Variants in SLC34A2 observed in about 807,000 individuals in gnomAD.
The protein encoded by SLC34A2 is sodium-dependent phosphate transport protein 2B.
In SLC34A2, 41 loss-of-function variants were observed where a neutral mutation model predicts 50.8. The ratio of observed to expected loss-of-function variants is 0.81; its 90% CI spans 0.63 to 1.05. The LOEUF is 1.05. SLC34A2 is among the 50% of genes least tolerant of loss of function. The pLI, the probability that SLC34A2 is intolerant of heterozygous loss-of-function variation, is 0.00. For synonymous variants in SLC34A2, 401 were observed against 364.2 expected (o/e 1.10, Z -1.15); for missense variants, 879 against 876.7 (o/e 1.00, Z -0.03).
intron 1 of SLC34A2, among the ~76,000 whole-genome samples, chr4:25,660,692 C>A (rs940605226): frequency 1.3e-5 from 2 of 152,124 alleles, no homozygotes; most frequent in African/African-American, 4.8e-5. Context: ...ATTACAGGTG[C>A]ATGCCACCAC....
intron 9 of SLC34A2, among the ~76,000 whole-genome samples, chr4:25,671,938 GA>G (rs2109058404): frequency 6.6e-6 from 1 of 152,276 alleles, no homozygotes; most frequent in Non-Finnish European, 1.5e-5. Context: ...GGCAGAACTG[GA>G]ACTTGAAGTC....
chr4:25,664,434 G>T, intron 4 of SLC34A2, 104 bp downstream of exon 4: 1 of 1,322,040 alleles, frequency 7.6e-7, no homozygotes, highest in South Asian at 1.2e-5. Context: ...GCCTCCTGGA[G>T]TGTTTTAGGA....
intron 9 of SLC34A2, among the ~76,000 whole-genome samples, chr4:25,672,511 C>G (rs1224940768): frequency 6.6e-6 from 1 of 152,124 alleles, no homozygotes; most frequent in Non-Finnish European, 1.5e-5. Context: ...CTTACATATA[C>G]TTTTGTATAT....
chr4:25,674,968 TCCTTGGC>T (rs1715033872), intron 12 of SLC34A2, among the ~76,000 whole-genome samples: 2 of 152,324 alleles, frequency 1.3e-5, no homozygotes, highest in Non-Finnish European at 2.9e-5. Flanking sequence ...TTAGGAGAAC[TCCTTGGC>T]ATGGACCATC....
At chr4:25,668,084 T>G in intron 6 of SLC34A2, 93 bp downstream of exon 6, 2 of 817,254 alleles carry the variant, frequency 2.4e-6, no homozygotes, top group South Asian at 2.9e-5. Flanking sequence ...GATGACATGC[T>G]TATCAGGTTC....
At chr4:25,673,281 C>T (rs777365820) in intron 10 of SLC34A2, 27 bp downstream of exon 10, 6 of 1,458,074 alleles carry the variant, frequency 4.1e-6, no homozygotes, top group Non-Finnish European at 5.5e-6. Flanking sequence ...CACTTGTAGG[C>T]CTCACATGTA....
At chr4:25,668,639 C>CCA (rs1714635345) in intron 6 of SLC34A2, among the ~76,000 whole-genome samples, 1 of 130,532 alleles carries the variant, frequency 7.7e-6, no homozygotes, top group African/African-American at 3.4e-5. Context: ...GAGACTCCAT[C>CCA]TAAAAAAAAA....
Position 25,662,722 on chromosome 4 carries a change from C to T in SLC34A2, c.130C>T (p.Pro44Ser), listed in dbSNP as rs147129009. The part of the protein sequence containing the change: ...ETNKTDNTEA[P>S]VTKIELLPSY... ...TGTTTCAGCAGATAACACTGAGGCA[C>T]CTGTAACCAAGATTGAACTTCTGCC... Residue 44 changes from proline (P) to serine (S), a missense_variant, in exon 3 of 13, where the codon CCT becomes TCT. Physicochemically the swap from Pro to Ser is moderately conservative, Grantham distance 74. Transcript: ENST00000382051. 6.1e-5 allele frequency: 99 copies of T among 1,614,116 alleles called. No individual in the cohort carries two copies. The African/African-American group carries it at 1.1e-3, about 17-fold the overall frequency.
intron 9 of SLC34A2, among the ~76,000 whole-genome samples, chr4:25,672,013 A>C (rs558421770): frequency 4.9e-4 from 75 of 152,314 alleles, no homozygotes; most frequent in Non-Finnish European, 8.5e-4. Context: ...GATTCCCTCT[A>C]CATGCTTTGT....
In SLC34A2 at chr4:25,662,546, A is replaced by C. The variant is rs1289974350; in HGVS notation, c.46A>C (p.Lys16Gln). 6.2e-6 allele frequency: 10 copies of C among 1,613,860 alleles called. No individual in the cohort carries two copies. In the African/African-American group the frequency reaches 1.2e-4, roughly 19 times the overall value. The change falls in exon 2 of 13, where the codon AAG becomes CAG. Residue 16 changes from lysine to glutamine, a missense_variant. Lys to Gln is a moderately conservative substitution (Grantham distance 53). Coordinates refer to ENST00000382051, the MANE Select transcript of SLC34A2 (RefSeq NM_006424.3). ...GGGAGATGCCCAGCCCAACCCCGAT[A>C]AGTACCTCGAAGGGGCCGCAGGTCA... ...ELGDAQPNPD[K>Q]YLEGAAGQQP...
Position 25,662,584 on chromosome 4 carries a change from C to A in SLC34A2, c.84C>A (p.Ala28=). 1.2e-6 allele frequency: 2 copies of A among 1,614,044 alleles called. No homozygotes were observed. Among genetic ancestry groups the A allele is most frequent in the East Asian group, 2.2e-5 (1 of 44,834 alleles). The change falls in exon 2 of 13, where the codon GCC becomes GCA. Residue 28 remains alanine, a synonymous_variant. Coordinates refer to ENST00000382051, the MANE Select transcript of SLC34A2 (RefSeq NM_006424.3). ...LEGAAGQQPT[A]PDKSKETNKT... is the part of the protein sequence containing the mutation. ...GGGCCGCAGGTCAGCAGCCCACTGC[C>A]CCTGATAAAAGCAAAGAGACCAACA...
intron 3 of SLC34A2, among the ~76,000 whole-genome samples, chr4:25,663,953 C>T (rs951624145): frequency 8.5e-5 from 13 of 152,192 alleles, no homozygotes; most frequent in South Asian, 4.1e-4. Context: ...TCCTCCCAAA[C>T]GCAAATCCTT....
At chr4:25,672,223 C>T (rs994551091) in intron 9 of SLC34A2, among the ~76,000 whole-genome samples, 1 of 152,130 alleles carries the variant, frequency 6.6e-6, no homozygotes, top group African/African-American at 2.4e-5. Flanking sequence ...ATAATTCCAG[C>T]CAAGATTGCA....
At chr4:25,674,782 C>T (rs1560242373) in intron 12 of SLC34A2, among the ~76,000 whole-genome samples, 153 bp downstream of exon 12, 2 of 152,176 alleles carry the variant, frequency 1.3e-5, no homozygotes, top group Non-Finnish European at 2.9e-5. Flanking sequence ...GTTTTCAGGA[C>T]CTTGATATGA....
In SLC34A2 at chr4:25,676,310, T is replaced by G; in HGVS notation, c.1634T>G (p.Phe545Cys). The part of the protein sequence containing the change: ...IFFFLIPLTV[F>C]GLSLAGWRVL... ...TTCTTCCTGATCCCGCTGACGGTGT[T>G]TGGCCTCTCGCTGGCCGGCTGGCGG... Residue 545 changes from phenylalanine to cysteine, a missense_variant, in exon 13 of 13, where the codon TTT becomes TGT. Phe to Cys is a radical substitution (Grantham distance 205). Transcript: ENST00000382051. 6.2e-7 allele frequency: 1 copy of G among 1,614,206 alleles called. No individual in the cohort carries two copies. The highest frequency in any genetic ancestry group is 2.2e-5 in the East Asian group (1 of 44,876).
rs1001924803 is a variant in SLC34A2 at position 25,676,480 on chromosome 4, C to T, written c.1804C>T (p.Pro602Ser). ...GCCGCTGTGGATGCGCTCGCTGAAG[C>T]CCTGGGATGCCGTCGTCTCCAAGTT... Reference protein sequence around the residue: ...FLPLWMRSLKPWDAVVSKFTG... With the variant: ...FLPLWMRSLKSWDAVVSKFTG... The change falls in exon 13 of 13, where the codon CCC (proline) becomes TCC (serine). Residue 602 changes from proline to serine, a missense_variant. Transcript: ENST00000382051. The T allele has an allele frequency of 6.2e-7, 1 of 1,614,180 alleles. No homozygotes were observed. The highest frequency in any genetic ancestry group is 8.5e-7 in the Non-Finnish European group (1 of 1,180,044).
intron 11 of SLC34A2, 29 bp downstream of exon 11, chr4:25,674,441 G>GCCA: frequency 6.2e-7 from 1 of 1,614,122 alleles, no homozygotes; most frequent in Non-Finnish European, 8.5e-7. Flanking sequence ...TCTCCCTCTG[G>GCCA]CCACCACTGC....
At chr4:25,661,697 A>G (rs1397342161) in intron 1 of SLC34A2, among the ~76,000 whole-genome samples, 1 of 152,000 alleles carries the variant, frequency 6.6e-6, no homozygotes. Flanking sequence ...CCCTGCATAT[A>G]TATTCACATA....
intron 1 of SLC34A2, among the ~76,000 whole-genome samples, chr4:25,657,668 G>C (rs1242370433): frequency 2.0e-5 from 3 of 152,198 alleles, no homozygotes; most frequent in Non-Finnish European, 4.4e-5. Context: ...CATCAAAAAT[G>C]TAAACTCAAG....
Sources: gnomAD v4.1 joint callset for allele counts (sites outside exome capture counted in the v4.1 genomes callset) on GRCh38, gnomAD v4.1.1 for gene constraint, MANE v1.5 for transcripts, NCBI Gene and HGNC (gene_info 2026-07-23, HGNC 2026-07-21) for gene names.